Variants in NEIL2 observed in about 807,000 individuals in gnomAD.
NEIL2 encodes the protein nei like DNA glycosylase 2, also known as endonuclease 8-like 2.
Under a neutral mutation model 22.2 loss-of-function variants are expected in NEIL2, and 23 were observed. The observed-to-expected ratio is 1.04, with a 90% CI of 0.75 to 1.47. NEIL2 has a LOEUF of 1.47. Ranked by LOEUF, NEIL2 falls within the 40% of genes most tolerant of loss-of-function variation. The pLI is 0.00. For synonymous variants in NEIL2, 229 were observed against 164.8 expected, an observed-to-expected ratio of 1.39 and a Z score of -2.99; for missense variants, 583 against 404.7, an observed-to-expected ratio of 1.44 and a Z score of -3.78.
intron 2 of NEIL2, among the ~76,000 whole-genome samples, chr8:11,775,332 G>C (rs1268579159): frequency 2.0e-5 from 3 of 152,242 alleles, no homozygotes; most frequent in Non-Finnish European, 2.9e-5. Flanking sequence ...AGCAGCCTGG[G>C]TTGTACATTG....
chr8:11,777,711 T>C (rs1289253106), intron 2 of NEIL2, among the ~76,000 whole-genome samples: 2 of 152,256 alleles, frequency 1.3e-5, no homozygotes, highest in African/African-American at 2.4e-5. Flanking sequence ...TAAGGGAAGA[T>C]TGGAGATTGT....
chr8:11,781,947 C>T (rs1260408298), intron 3 of NEIL2, among the ~76,000 whole-genome samples: 1 of 151,818 alleles, frequency 6.6e-6, no homozygotes, highest in East Asian at 1.9e-4. Flanking sequence ...ACCTGTAGTC[C>T]CAGTTACTTG....
intron 3 of NEIL2, among the ~76,000 whole-genome samples, chr8:11,782,222 A>G (rs1156507681): frequency 6.6e-6 from 1 of 152,136 alleles, no homozygotes; most frequent in Non-Finnish European, 1.5e-5. Context: ...CAGGAGTTCG[A>G]GACCAGCCTG....
chr8:11,782,792 G>A, intron 3 of NEIL2: 1 of 320,708 alleles, frequency 3.1e-6, no homozygotes, highest in Non-Finnish European at 6.0e-6. Flanking sequence ...GTGGGGATGT[G>A]TGTATGTGTG....
rs113110839 is a variant in NEIL2, at chr8:11,786,222, G to T, written c.948G>T (p.Pro316=). The part of the protein sequence containing the change: ...DGLQRLTWWC[P]QCQPQLSEEP... ...TACAGAGGCTCACCTGGTGGTGCCC[G>T]CAGTGCCAGCCCCAGTTGTCAGAGG... Residue 316 remains proline, a synonymous_variant, in exon 5 of 5, where the codon CCG becomes CCT. Transcript: ENST00000284503. 6.2e-7 allele frequency: 1 copy of T among 1,613,076 alleles called. No homozygotes were observed. The highest frequency in any genetic ancestry group is 8.5e-7 in the Non-Finnish European group (1 of 1,180,000).
chr8:11,783,149 C>G, intron 3 of NEIL2, 54 bp from the exon 4 acceptor site: 1 of 1,519,342 alleles, frequency 6.6e-7, no homozygotes, highest in East Asian at 2.2e-5. Flanking sequence ...ACAGGGTGTG[C>G]TCTGACTATA....
intron 2 of NEIL2, among the ~76,000 whole-genome samples, chr8:11,774,814 G>C (rs780730116): frequency 6.6e-6 from 1 of 152,256 alleles, no homozygotes; most frequent in Non-Finnish European, 1.5e-5. Flanking sequence ...GAAATCCAGT[G>C]AGGCAGTCAA....
chr8:11,781,770 T>C (rs8191621), intron 3 of NEIL2, among the ~76,000 whole-genome samples: 452 of 152,316 alleles, frequency 3.0e-3, no homozygotes, highest in Non-Finnish European at 4.6e-3. Flanking sequence ...TAAATACTAT[T>C]AGCTTGCCAG....
At chr8:11,778,012 TG>T (rs747422665) in intron 2 of NEIL2, among the ~76,000 whole-genome samples, 1 of 152,216 alleles carries the variant, frequency 6.6e-6, no homozygotes, top group Non-Finnish European at 1.5e-5. Context: ...TGTTTGCCCT[TG>T]GAGCCTAGCA....
chr8:11,780,373 TTGA>T (rs1049134076), intron 3 of NEIL2, among the ~76,000 whole-genome samples: 1 of 152,174 alleles, frequency 6.6e-6, no homozygotes, highest in Middle Eastern at 3.2e-3. Context: ...AGTATTCAGC[TTGA>T]TGAGTTTTTT....
rs1036948659 is a variant in NEIL2 at position 11,770,166 on chromosome 8, C to T, written c.-172C>T. 1 of 152,208 alleles carries T rather than the reference C, an allele frequency of 6.6e-6. No homozygotes were observed. The highest frequency in any genetic ancestry group is 1.5e-5 in the Non-Finnish European group (1 of 68,034). 9.4% of individuals were successfully genotyped at this position (152,208 alleles called of 1,614,324 possible). ...CTTCGAAGTCCCTTCCGCGTCTCAT[C>T]TTTCAAGGCTGTTGCAGAGGCGGCT... On this transcript the variant is annotated 5_prime_UTR_variant, in exon 1 of 5. Transcript: ENST00000284503.
intron 2 of NEIL2, among the ~76,000 whole-genome samples, chr8:11,779,223 C>T (rs1411905108): frequency 6.6e-6 from 1 of 152,182 alleles, no homozygotes; most frequent in African/African-American, 2.4e-5. Flanking sequence ...TGTGCATTCC[C>T]ACGCACCGCT....
In NEIL2 at chr8:11,783,351, C is replaced by T. The variant is rs1804614517; in HGVS notation, c.640C>T (p.Gln214Ter). The T allele has an allele frequency of 5.0e-6, 8 of 1,614,210 alleles. No individual in the cohort carries two copies. Among genetic ancestry groups the T allele is most frequent in the East Asian group, 2.2e-5 (1 of 44,884 alleles). The change falls in exon 4 of 5, where the codon CAG becomes TAG. Residue 214 changes from glutamine (Q) to a stop codon, truncating the protein, a stop_gained. Transcript: ENST00000284503. LOFTEE classifies it high-confidence loss of function. Reference protein sequence around the residue: ...GQALEALGQAQPVCYTLLDQR... With the variant: ...GQALEALGQA ...AGCCTTAGAAGCTCTAGGCCAGGCT[C>T]AGCCTGTCTGCTATACACTGCTGGA...
chr8:11,774,567 A>G (rs1231656367), intron 2 of NEIL2, among the ~76,000 whole-genome samples: 4 of 152,048 alleles, frequency 2.6e-5, no homozygotes, highest in Non-Finnish European at 4.4e-5. Context: ...TTCAAAACCA[A>G]TCATGCCTTC....
chr8:11,780,189 A>G (rs1036087975), intron 3 of NEIL2, among the ~76,000 whole-genome samples: 3 of 152,098 alleles, frequency 2.0e-5, no homozygotes, highest in African/African-American at 7.2e-5. Flanking sequence ...GAATTTTCCC[A>G]GCAAATGTGG....
At chr8:11,774,981 G>A (rs1002462482) in intron 2 of NEIL2, among the ~76,000 whole-genome samples, 1 of 152,374 alleles carries the variant, frequency 6.6e-6, no homozygotes, top group Non-Finnish European at 1.5e-5. Flanking sequence ...GGCATTGAGT[G>A]TCTGTGTGTT....
At chr8:11,782,111 G>T (rs1196158305) in intron 3 of NEIL2, among the ~76,000 whole-genome samples, 1 of 151,904 alleles carries the variant, frequency 6.6e-6, no homozygotes, top group East Asian at 1.9e-4. Context: ...TTTCTATATG[G>T]AAAGGGTATA....
chr8:11,786,234 C>G lies in NEIL2; in HGVS notation c.960C>G (p.Pro320=). The part of the protein sequence containing the change: ...RLTWWCPQCQ[P]QLSEEPEQCQ... ...CCTGGTGGTGCCCGCAGTGCCAGCC[C>G]CAGTTGTCAGAGGAGCCAGAGCAGT... Residue 320 remains proline (P), a synonymous_variant, in exon 5 of 5, where the codon CCC becomes CCG. Transcript: ENST00000284503. 4 of 1,612,944 alleles carry G rather than the reference C, an allele frequency of 2.5e-6. No homozygotes were observed. The highest frequency in any genetic ancestry group is 1.7e-5 in the Admixed American group (1 of 60,020).
At chr8:11,773,068 G>A (rs545219038) in intron 2 of NEIL2, among the ~76,000 whole-genome samples, 2 of 152,312 alleles carry the variant, frequency 1.3e-5, no homozygotes, top group Admixed American at 6.5e-5. Context: ...TGGCTGGCAA[G>A]GAACAGGTGA....
Sources: gnomAD v4.1 joint callset for allele counts (sites outside exome capture counted in the v4.1 genomes callset) on GRCh38, gnomAD v4.1.1 for gene constraint, MANE v1.5 for transcripts, NCBI Gene and HGNC (gene_info 2026-07-23, HGNC 2026-07-21) for gene names.